Variants in SRGAP3 observed in about 807,000 individuals in gnomAD.
The protein encoded by SRGAP3 is SLIT-ROBO Rho GTPase-activating protein 3.
SRGAP3 carries 39 observed loss-of-function variants against 121.1 expected under a neutral mutation model. That is an observed-to-expected ratio of 0.32 (90% CI 0.25 to 0.42). The LOEUF (loss-of-function observed/expected upper bound fraction) is 0.42, where lower values mean the gene tolerates loss of function less well. SRGAP3 is among the 10% of genes least tolerant of loss of function. The probability of loss-of-function intolerance (pLI) is 1.00; values close to 1 mark genes in which losing one functional copy is unlikely to be tolerated. For missense variants in SRGAP3, 1,213 were observed against 1,470.6 expected, an observed-to-expected ratio of 0.82 and a Z score of 2.86; for synonymous variants, 601 against 570.0, an observed-to-expected ratio of 1.05 and a Z score of -0.77.
At chr3:9,104,012 C>T (rs541713279) in intron 3 of SRGAP3, among the ~76,000 whole-genome samples, 8 of 152,234 alleles carry the variant, frequency 5.3e-5, no homozygotes, top group Non-Finnish European at 1.0e-4. Flanking sequence ...AAGAAGCTCA[C>T]GGCAGTGTTA....
chr3:9,349,053 T>A (rs747200410), intron 1 of SRGAP3: 14 of 980,830 alleles, frequency 1.4e-5, no homozygotes, highest in Middle Eastern at 2.5e-4. Context: ...GAGGCTATCA[T>A]GGAGCTGAAC....
Position 9,279,932 on chromosome 3 carries a change from G to C in SRGAP3, n.442+46078C>G, listed in dbSNP as rs915218551. Among the ~76,000 whole-genome samples, 6 of 152,146 alleles carry C rather than the reference G, an allele frequency of 3.9e-5. 1 individual carries two copies. Among genetic ancestry groups the C allele is most frequent in the African/African-American group, 1.4e-4 (6 of 41,438 alleles). On this transcript the variant is annotated intron_variant and non_coding_transcript_variant, in intron 3 of 3. Transcript: ENST00000490889. ...GTCAGCCTCACCAGGGGAGAAGTTT[G>C]GGGCTCAGAATGAGCAGGTGATGAG...
chr3:9,314,373 C>G (rs1955307209), intron 3 of SRGAP3, among the ~76,000 whole-genome samples: 1 of 151,712 alleles, frequency 6.6e-6, no homozygotes, highest in South Asian at 2.1e-4. Flanking sequence ...CTGGGCAACA[C>G]AGGGAGACCC....
chr3:9,329,496 A>G (rs1257422411), intron 2 of SRGAP3, among the ~76,000 whole-genome samples: 1 of 152,226 alleles, frequency 6.6e-6, no homozygotes, highest in African/African-American at 2.4e-5. Flanking sequence ...CAAGGCTTAC[A>G]TTTGCCCTCA....
rs529165158 is a variant in SRGAP3, at chr3:9,070,594, G to C, written c.487-6013C>G. ...GGCTGAATGGATGGGTAGATGGATGGATGGACAGATGAACAGATGGGTGGG... is the reference window on the plus strand; with the variant it reads ...GGCTGAATGGATGGGTAGATGGATGCATGGACAGATGAACAGATGGGTGGG... On this transcript the variant is annotated intron_variant, in intron 4 of 21. Transcript: ENST00000383836. Among the ~76,000 whole-genome samples the C allele has an allele frequency of 2.0e-5, 3 of 152,302 alleles. No homozygotes were observed. The South Asian group carries it at 6.2e-4, about 32-fold the overall frequency.
intron 18 of SRGAP3, among the ~76,000 whole-genome samples, chr3:9,002,626 A>T (rs548438913): frequency 6.6e-6 from 1 of 152,140 alleles, no homozygotes; most frequent in African/African-American, 2.4e-5. Context: ...ACAGAAAAAC[A>T]ATAGAGAAAA....
At chr3:9,021,827 C>A (rs535326311) in intron 14 of SRGAP3, among the ~76,000 whole-genome samples, 6 of 152,338 alleles carry the variant, frequency 3.9e-5, no homozygotes, top group South Asian at 2.1e-4. Context: ...CAGTGGCTCA[C>A]GCCTGGAATC....
At chr3:9,227,083 T>C (rs1324314820) in intron 1 of SRGAP3, among the ~76,000 whole-genome samples, 1 of 152,182 alleles carries the variant, frequency 6.6e-6, no homozygotes, top group African/African-American at 2.4e-5. Flanking sequence ...CCTGTCCCAT[T>C]GGAAGGGAAC....
chr3:9,298,075 T>C (rs7636823), intron 3 of SRGAP3, among the ~76,000 whole-genome samples: 62,345 of 151,924 alleles, frequency 0.41, 13,535 homozygotes, highest in Non-Finnish European at 0.49. Flanking sequence ...TGTGAGAAAA[T>C]TAATGTCTGT....
At chr3:9,248,112 G>C (rs910034260) in intron 1 of SRGAP3, among the ~76,000 whole-genome samples, 1 of 152,234 alleles carries the variant, frequency 6.6e-6, no homozygotes, top group African/African-American at 2.4e-5. Flanking sequence ...TCGCCCTCCC[G>C]GCAGGCTTCT....
intron 1 of SRGAP3, among the ~76,000 whole-genome samples, chr3:9,145,717 C>T (rs2111828): frequency 0.048 from 7,232 of 152,138 alleles, 612 homozygotes; most frequent in African/African-American, 0.16. Flanking sequence ...AAAAGAAGAA[C>T]ATCAAGAAGG....
chr3:9,248,240 T>C (rs1050488895), intron 1 of SRGAP3, among the ~76,000 whole-genome samples: 1 of 152,232 alleles, frequency 6.6e-6, no homozygotes, highest in African/African-American at 2.4e-5. Flanking sequence ...GGCTGCACAC[T>C]GCGAGATAAT....
chr3:9,328,407 G>T (rs145400809), intron 2 of SRGAP3, among the ~76,000 whole-genome samples: 51 of 152,318 alleles, frequency 3.3e-4, no homozygotes, highest in African/African-American at 1.2e-3. Context: ...CAGGAAAGGG[G>T]TCTGTAGTGC....
At chr3:9,043,825 A>T (rs922515131) in intron 10 of SRGAP3, among the ~76,000 whole-genome samples, 4 of 152,334 alleles carry the variant, frequency 2.6e-5, no homozygotes, top group African/African-American at 9.6e-5. Context: ...TCCCTTTTAT[A>T]GGTGGCACAC....
At chr3:9,079,778 C>T (rs747708486) in intron 4 of SRGAP3, among the ~76,000 whole-genome samples, 2 of 152,222 alleles carry the variant, frequency 1.3e-5, no homozygotes, top group Non-Finnish European at 2.9e-5. Context: ...CCCACAGCGG[C>T]AGGTCGTTTG....
intron 10 of SRGAP3, among the ~76,000 whole-genome samples, chr3:9,039,900 T>C (rs183224317): frequency 6.6e-6 from 1 of 152,352 alleles, no homozygotes; most frequent in Admixed American, 6.5e-5. Context: ...CCTTCTTTTA[T>C]CTCAAACCTT....
In SRGAP3 at chr3:8,990,647, G is replaced by A. The variant is rs149660735; in HGVS notation, c.2751C>T (p.Phe917=). The A allele has an allele frequency of 1.4e-5, 22 of 1,613,488 alleles. No homozygotes were observed. The highest frequency in any genetic ancestry group is 4.5e-5 in the East Asian group (2 of 44,884). The part of the protein sequence containing the change: ...ESPEKRRMAT[F]GSAGSINYPD... Reference sequence around the variant, plus strand: ...GGTAGTTGATGCTGCCAGCGCTCCCGAACGTCGCCATCCTCCGCTTCTCAG... The same window carrying A: ...GGTAGTTGATGCTGCCAGCGCTCCCAAACGTCGCCATCCTCCGCTTCTCAG... Residue 917 remains phenylalanine, a synonymous_variant, in exon 21 of 22, where the codon TTC becomes TTT. Coordinates refer to ENST00000383836, the MANE Select transcript of SRGAP3 (RefSeq NM_014850.4).
At chr3:9,050,221 T>C (rs1282715656) in intron 9 of SRGAP3, among the ~76,000 whole-genome samples, 1 of 152,234 alleles carries the variant, frequency 6.6e-6, no homozygotes, top group Non-Finnish European at 1.5e-5. Flanking sequence ...AGGCTCTCTA[T>C]AGATGCTTCC....
intron 3 of SRGAP3, among the ~76,000 whole-genome samples, chr3:9,296,167 TTAC>T (rs1396840288): frequency 1.1e-4 from 16 of 152,214 alleles, no homozygotes; most frequent in African/African-American, 3.6e-4. Context: ...AGAAGTCAAA[TTAC>T]TGGATCATGT....
Sources: gnomAD v4.1 joint callset for allele counts (sites outside exome capture counted in the v4.1 genomes callset) on GRCh38, gnomAD v4.1.1 for gene constraint, MANE v1.5 for transcripts, NCBI Gene and HGNC (gene_info 2026-07-23, HGNC 2026-07-21) for gene names.